GMDS: variants seen among roughly 807,000 people sequenced by gnomAD.
GMDS encodes GDP-mannose 4,6-dehydratase, also known as GDP-mannose 4,6 dehydratase.
GMDS carries 20 observed loss-of-function variants against 49.9 expected under a neutral mutation model. The observed-to-expected ratio is 0.40, with a 90% CI of 0.28 to 0.58. The LOEUF (loss-of-function observed/expected upper bound fraction) is 0.58, where lower values mean the gene tolerates loss of function less well. Among genes scored for constraint, GMDS ranks in the 20% least tolerant of loss-of-function variants. GMDS has a pLI of 0.42. For missense variants in GMDS, 362 were observed against 481.4 expected (o/e 0.75, Z 2.32); for synonymous variants, 177 against 178.6 (o/e 0.99, Z 0.07).
chr6:1,663,787 G>A (rs1764158744), intron 9 of GMDS, among the ~76,000 whole-genome samples: 1 of 152,134 alleles, frequency 6.6e-6, no homozygotes. Flanking sequence ...CTGCTGAAAT[G>A]TCTCATCAGA....
intron 8 of GMDS, among the ~76,000 whole-genome samples, chr6:1,732,242 G>A (rs1005307119): frequency 9.9e-5 from 15 of 152,222 alleles, no homozygotes; most frequent in African/African-American, 1.2e-4. Context: ...CAGGAGAATC[G>A]CTTGAACCCA....
chr6:2,079,019 C>CTTT (rs386405902), intron 4 of GMDS, among the ~76,000 whole-genome samples: 2,678 of 33,948 alleles, frequency 0.079, 548 homozygotes, highest in Non-Finnish European at 0.13. Flanking sequence ...ATGACCTTGT[C>CTTT]TTTTTTTTTT....
intron 9 of GMDS, among the ~76,000 whole-genome samples, chr6:1,688,508 T>C (rs989393544): frequency 6.6e-6 from 1 of 152,228 alleles, no homozygotes; most frequent in African/African-American, 2.4e-5. Flanking sequence ...TGTTTCTACA[T>C]TACATCCTCT....
At position 1,783,074 on chromosome 6, in the gene GMDS, G is replaced by A. The variant is rs6933111; in HGVS notation, c.772-40488C>T. 9.3e-3 allele frequency among the ~76,000 whole-genome samples: 1,422 copies of A among 152,244 alleles called. 21 individuals carry two copies. Among genetic ancestry groups the A allele is most frequent in the African/African-American group, 0.032 (1,335 of 41,546 alleles). The stretch of plus-strand genomic sequence containing the variant: ...GGAAGCTGAGGTGGGAGGATCACTC[G>A]AGCCTGGGAGGTCAAGGCTGTAGTG... On this transcript the variant is annotated intron_variant, in intron 7 of 10. Coordinates refer to ENST00000380815, the MANE Select transcript of GMDS (RefSeq NM_001500.4).
At chr6:2,208,865 A>AC (rs1007761306) in intron 1 of GMDS, among the ~76,000 whole-genome samples, 2 of 151,790 alleles carry the variant, frequency 1.3e-5, no homozygotes, top group Admixed American at 1.3e-4. Context: ...AAAAAAAAAA[A>AC]AAAAACTATT....
intron 1 of GMDS, among the ~76,000 whole-genome samples, chr6:2,243,993 G>A (rs2127604329): frequency 6.6e-6 from 1 of 151,552 alleles, no homozygotes; most frequent in Middle Eastern, 3.4e-3. Context: ...CTCCTGAGTA[G>A]CTAGCACTAC....
chr6:2,199,820 A>C (rs7738487), intron 1 of GMDS, among the ~76,000 whole-genome samples: 2,737 of 152,312 alleles, frequency 0.018, 71 homozygotes, highest in African/African-American at 0.062. Context: ...ACCACTTTTC[A>C]GCAGTACCTA....
chr6:1,779,291 CA>C (rs972821666), intron 7 of GMDS, among the ~76,000 whole-genome samples: 2 of 151,376 alleles, frequency 1.3e-5, no homozygotes, highest in African/African-American at 4.8e-5. Context: ...GTCCCACTAA[CA>C]CAGCCTCCTG....
At chr6:1,914,902 C>A (rs773482988) in intron 7 of GMDS, among the ~76,000 whole-genome samples, 1 of 152,218 alleles carries the variant, frequency 6.6e-6, no homozygotes, top group African/African-American at 2.4e-5. Flanking sequence ...AGGCCCCCCT[C>A]CTGCTTAGGC....
chr6:2,090,620 A>G (rs961939487), intron 4 of GMDS, among the ~76,000 whole-genome samples: 7 of 152,196 alleles, frequency 4.6e-5, no homozygotes, highest in African/African-American at 1.7e-4. Context: ...CTAGAACAAC[A>G]ACGACAAATC....
chr6:1,793,778 C>A (rs557829761), intron 7 of GMDS, among the ~76,000 whole-genome samples: 2 of 152,298 alleles, frequency 1.3e-5, no homozygotes, highest in East Asian at 3.9e-4. Flanking sequence ...TGGAGAAACA[C>A]AAATTCCCTG....
At chr6:1,877,539 G>A (rs1270806430) in intron 7 of GMDS, among the ~76,000 whole-genome samples, 2 of 150,940 alleles carry the variant, frequency 1.3e-5, no homozygotes, top group East Asian at 4.0e-4. Flanking sequence ...TCGGGAAGTT[G>A]AGGAGGGAGG....
intron 4 of GMDS, among the ~76,000 whole-genome samples, chr6:2,043,152 G>C (rs575215406): frequency 6.6e-6 from 1 of 152,348 alleles, no homozygotes; most frequent in Non-Finnish European, 1.5e-5. Flanking sequence ...AGGAGGCAGA[G>C]ATGGTTTGCC....
At chr6:2,020,908 C>T (rs138622192) in intron 4 of GMDS, among the ~76,000 whole-genome samples, 3 of 152,200 alleles carry the variant, frequency 2.0e-5, no homozygotes, top group Non-Finnish European at 1.5e-5. Flanking sequence ...TAAACCCCAG[C>T]GCTGCATATG....
At chr6:1,825,298 T>C (rs1771062232) in intron 7 of GMDS, among the ~76,000 whole-genome samples, 1 of 152,186 alleles carries the variant, frequency 6.6e-6, no homozygotes, top group South Asian at 2.1e-4. Flanking sequence ...ACATAAAAAT[T>C]CTACAAAGCA....
intron 1 of GMDS, among the ~76,000 whole-genome samples, chr6:2,180,701 T>G (rs1190739807): frequency 6.6e-6 from 1 of 152,174 alleles, no homozygotes; most frequent in African/African-American, 2.4e-5. Context: ...ATAGCTAATG[T>G]GAACAAATCC....
intron 9 of GMDS, among the ~76,000 whole-genome samples, chr6:1,652,669 TA>T (rs1763736093): frequency 2.0e-4 from 5 of 25,032 alleles, no homozygotes; most frequent in South Asian, 1.7e-3. Flanking sequence ...ATATAATATA[TA>T]TAATATATAT....
chr6:2,047,050 A>T (rs1770061886), intron 4 of GMDS, among the ~76,000 whole-genome samples: 1 of 152,198 alleles, frequency 6.6e-6, no homozygotes, highest in Non-Finnish European at 1.5e-5. Context: ...AATTACTAGA[A>T]ATTCTGACTA....
At chr6:1,974,604 C>T (rs1764792280) in intron 4 of GMDS, among the ~76,000 whole-genome samples, 1 of 152,152 alleles carries the variant, frequency 6.6e-6, no homozygotes, top group Non-Finnish European at 1.5e-5. Flanking sequence ...ATCAAGGAGC[C>T]TCTTGATCTA....
Sources: allele counts gnomAD v4.1 joint callset (sites outside exome capture counted in the v4.1 genomes callset), GRCh38; gene constraint gnomAD v4.1.1; transcripts MANE v1.5; gene names NCBI Gene and HGNC (gene_info 2026-07-23, HGNC 2026-07-21).